Variants in CACHD1 observed in about 807,000 individuals in gnomAD.
CACHD1 encodes the protein cache domain containing 1, also known as VWFA and cache domain-containing protein 1.
CACHD1 carries 71 observed loss-of-function variants against 138.7 expected under a neutral mutation model. The observed-to-expected ratio is 0.51, with a 90% confidence interval of 0.42 to 0.62. CACHD1 has a LOEUF of 0.62. CACHD1 is among the 20% of genes least tolerant of loss of function. The pLI, the probability that CACHD1 is intolerant of heterozygous loss-of-function variation, is 0.00. For missense variants in CACHD1, 1,389 were observed against 1,625.3 expected (o/e 0.85, Z 2.50); for synonymous variants, 578 against 591.5 (o/e 0.98, Z 0.33).
chr1:64,521,347 C>T (rs1474854245), intron 1 of CACHD1, among the ~76,000 whole-genome samples: 1 of 152,132 alleles, frequency 6.6e-6, no homozygotes, highest in Non-Finnish European at 1.5e-5. Context: ...CCCCTCTGGC[C>T]CTGGCCAAAG....
chr1:64,515,293 T>C (rs551322858), intron 1 of CACHD1, among the ~76,000 whole-genome samples: 1 of 152,274 alleles, frequency 6.6e-6, no homozygotes, highest in South Asian at 2.1e-4. Context: ...AAAACACAAT[T>C]GGGGAGCTAT....
intron 12 of CACHD1, among the ~76,000 whole-genome samples, 169 bp downstream of exon 12, chr1:64,654,972 T>G (rs1267924274): frequency 6.6e-6 from 1 of 152,220 alleles, no homozygotes; most frequent in East Asian, 1.9e-4. Context: ...AGGTGTTGTA[T>G]AATTATTTTT....
At chr1:64,484,384 G>A (rs1173222797) in intron 1 of CACHD1, among the ~76,000 whole-genome samples, 1 of 151,974 alleles carries the variant, frequency 6.6e-6, no homozygotes, top group East Asian at 1.9e-4. Flanking sequence ...GGACCTTGGT[G>A]TAGTTTAAGA....
At chr1:64,538,032 T>C (rs1042279561) in intron 1 of CACHD1, among the ~76,000 whole-genome samples, 1 of 152,330 alleles carries the variant, frequency 6.6e-6, no homozygotes, top group East Asian at 1.9e-4. Context: ...TCAGTCAAGA[T>C]GTTAGTTAAT....
intron 24 of CACHD1, among the ~76,000 whole-genome samples, chr1:64,680,565 A>ATACTCTGTTTAAGTGCAGTATCTG (rs1553146755): frequency 6.6e-6 from 1 of 152,018 alleles, no homozygotes; most frequent in African/African-American, 2.4e-5. Flanking sequence ...TGCAGTATCT[A>ATACTCTGTTTAAGTGCAGTATCTG]TACTCTGTTT....
At chr1:64,595,990 T>C (rs1246184378) in intron 3 of CACHD1, among the ~76,000 whole-genome samples, 2 of 152,226 alleles carry the variant, frequency 1.3e-5, no homozygotes, top group Non-Finnish European at 2.9e-5. Flanking sequence ...ATGTGACTTA[T>C]CACTCCAATC....
At chr1:64,540,205 T>C (rs930900605) in intron 1 of CACHD1, among the ~76,000 whole-genome samples, 3 of 152,194 alleles carry the variant, frequency 2.0e-5, no homozygotes, top group South Asian at 2.1e-4. Flanking sequence ...ACACTGAATA[T>C]TGAAGGCTTA....
intron 4 of CACHD1, among the ~76,000 whole-genome samples, chr1:64,628,235 A>G (rs1648180668): frequency 6.6e-6 from 1 of 152,208 alleles, no homozygotes; most frequent in African/African-American, 2.4e-5. Flanking sequence ...TTTCTGGTCA[A>G]ATACACCTCA....
intron 26 of CACHD1, among the ~76,000 whole-genome samples, chr1:64,684,312 C>G (rs1650285279): frequency 6.7e-6 from 1 of 150,230 alleles, no homozygotes; most frequent in Non-Finnish European, 1.5e-5. Flanking sequence ...TATTTTATCG[C>G]CATTTAGTCA....
chr1:64,491,682 G>T (rs1274438598), intron 1 of CACHD1, among the ~76,000 whole-genome samples: 1 of 152,148 alleles, frequency 6.6e-6, no homozygotes, highest in African/African-American at 2.4e-5. Context: ...CTGTTGCCCA[G>T]CTTGGCTCAC....
At chr1:64,594,253 T>TAA (rs5774710) in intron 3 of CACHD1, among the ~76,000 whole-genome samples, 2,653 of 137,944 alleles carry the variant, frequency 0.019, 76 homozygotes, top group African/African-American at 0.064. Flanking sequence ...AAACTTTGTC[T>TAA]AAAAAAAAAA....
chr1:64,566,478 T>TTCCC (rs1553133812), intron 2 of CACHD1, among the ~76,000 whole-genome samples: 5 of 4,998 alleles, frequency 1.0e-3, no homozygotes, highest in Non-Finnish European at 2.9e-3. Context: ...ATGTTTTCAA[T>TTCCC]TCCCCCCCCC....
At chr1:64,534,108 T>A (rs1557480241) in intron 1 of CACHD1, among the ~76,000 whole-genome samples, 1 of 149,926 alleles carries the variant, frequency 6.7e-6, no homozygotes, top group Non-Finnish European at 1.5e-5. Context: ...TAGTGGCATG[T>A]TCTTGGCTCA....
intron 3 of CACHD1, among the ~76,000 whole-genome samples, chr1:64,596,538 C>T (rs1169214344): frequency 2.0e-5 from 3 of 152,142 alleles, no homozygotes; most frequent in Admixed American, 6.5e-5. Context: ...AGGGTTTTTG[C>T]CGCCTTTGTT....
At chr1:64,679,185 G>T (rs1049336586) in intron 23 of CACHD1, among the ~76,000 whole-genome samples, 2 of 152,138 alleles carry the variant, frequency 1.3e-5, no homozygotes, top group East Asian at 3.8e-4. Flanking sequence ...AACTTGATCC[G>T]GTTAGCGCAT....
In CACHD1 at chr1:64,543,866, C is replaced by CTTTTTT. The variant is rs370129207; in HGVS notation, c.199-6710_199-6705dup. 5.0e-3 allele frequency among the ~76,000 whole-genome samples: 385 copies of CTTTTTT among 77,332 alleles called. 4 individuals carry two copies. The highest frequency in any genetic ancestry group is 7.0e-3 in the Non-Finnish European group (298 of 42,500). 50.7% of individuals were successfully genotyped at this position (77,332 alleles called of 152,430 possible). On this transcript the variant is annotated intron_variant, in intron 1 of 26. Coordinates refer to ENST00000651257, the MANE Select transcript of CACHD1 (RefSeq NM_020925.4). Reference sequence around the variant, plus strand: ...GTTTTCATTAATTACCTTTTCAGTGCTTTTTTTTTTTTTTTTTTTTTTTGG... The same window carrying CTTTTTT: ...GTTTTCATTAATTACCTTTTCAGTGCTTTTTTTTTTTTTTTTTTTTTTTTTTTTTGG...
At chr1:64,598,821 G>A (rs1472918757) in intron 3 of CACHD1, among the ~76,000 whole-genome samples, 1 of 151,012 alleles carries the variant, frequency 6.6e-6, no homozygotes, top group Non-Finnish European at 1.5e-5. Context: ...TGATGCAATG[G>A]TCTGAATGTT....
chr1:64,604,898 G>A (rs759744586), intron 4 of CACHD1, among the ~76,000 whole-genome samples: 7 of 150,688 alleles, frequency 4.6e-5, no homozygotes, highest in Admixed American at 6.6e-5. Context: ...TGGTCTACCC[G>A]CCTCGGCCTT....
intron 1 of CACHD1, among the ~76,000 whole-genome samples, chr1:64,539,530 A>G (rs1229724421): frequency 6.6e-6 from 1 of 152,110 alleles, no homozygotes; most frequent in Non-Finnish European, 1.5e-5. Flanking sequence ...GGGCCTCTCT[A>G]GAATGTGAAC....
Sources: gnomAD v4.1 joint callset for allele counts (sites outside exome capture counted in the v4.1 genomes callset) on GRCh38, gnomAD v4.1.1 for gene constraint, MANE v1.5 for transcripts, NCBI Gene and HGNC (gene_info 2026-07-23, HGNC 2026-07-21) for gene names.